ACAA1: variants seen among roughly 807,000 people sequenced by gnomAD.
The protein encoded by ACAA1 is 3-ketoacyl-CoA thiolase, peroxisomal.
In ACAA1, 44 loss-of-function variants were observed where a neutral mutation model predicts 48.8. The ratio of observed to expected loss-of-function variants is 0.90; its 90% CI spans 0.71 to 1.16. The LOEUF is 1.16. Ranked by LOEUF, ACAA1 falls within the 50% of genes most tolerant of loss-of-function variation. The pLI, the probability that ACAA1 is intolerant of heterozygous loss-of-function variation, is 0.00. For missense variants in ACAA1, 512 were observed against 562.3 expected (o/e 0.91, Z 0.90); for synonymous variants, 233 against 226.5 (o/e 1.03, Z -0.26).
chr3:38,126,313 T>A lies in ACAA1; in HGVS notation c.846A>T (p.Ala282=). 2 of 1,614,026 alleles carry A rather than the reference T, an allele frequency of 1.2e-6. No individual in the cohort carries two copies. Among genetic ancestry groups the A allele is most frequent in the Non-Finnish European group, 1.7e-6 (2 of 1,179,954 alleles). ...AGNSSQVSDG[A]AAILLARRSK... is the part of the protein sequence containing the mutation. ...ACCTCCGGGCCAGCAGGATGGCAGC[T>A]GCCCCATCACTCACCTGGCTAGAGT... The change falls in exon 9 of 12, where the codon GCA becomes GCT. Residue 282 remains alanine (A), a synonymous_variant. Transcript: ENST00000333167. This position sits in a 1 kb window ranked among gnomAD's most constrained non-coding sequence, Gnocchi z 4.7.
chr3:38,134,443 C>G (rs1700847187), intron 2 of ACAA1: 3 of 452,664 alleles, frequency 6.6e-6, no homozygotes, highest in Non-Finnish European at 1.3e-5. Flanking sequence ...TGCTGTATTT[C>G]AAGGTGAGGG....
Position 38,127,844 on chromosome 3 carries a change from C to A in ACAA1, c.568G>T (p.Glu190Ter), listed in dbSNP as rs1330810879. The A allele has an allele frequency of 6.2e-7, 1 of 1,614,090 alleles. No individual in the cohort carries two copies. Among genetic ancestry groups the A allele is most frequent in the Admixed American group, 1.7e-5 (1 of 60,006 alleles). Residue 190 changes from glutamate (E) to a stop codon, truncating the protein, a stop_gained, in exon 7 of 12, where the codon GAG (glutamate) becomes TAG (stop). Transcript: ENST00000333167. LOFTEE classifies it high-confidence loss of function. ...PMGITSENVA[E>*]RFGISREKQD... is the part of the protein sequence containing the mutation. ...TTCTCCCGTGAAATGCCAAACCGCTCAGCCACATTCTCAGAGGTTATCCTA... is the reference window on the plus strand; with the variant it reads ...TTCTCCCGTGAAATGCCAAACCGCTAAGCCACATTCTCAGAGGTTATCCTA...
At position 38,136,938 on chromosome 3, in the gene ACAA1, G is replaced by A. The variant is rs1049869731; in HGVS notation, c.98C>T (p.Ala33Val). The change falls in exon 1 of 12, where the codon GCC becomes GTC. Residue 33 changes from alanine (A) to valine (V), a missense_variant. By Grantham distance (64) the Ala-to-Val change is moderately conservative (BLOSUM62 0). Transcript: ENST00000333167. ...CACCACCACCACGTCCGCGGCCGAG[G>A]CCTGCGGGGCACCGCTCAGGCAAGG... is the stretch of plus-strand genomic sequence containing the variant. ...AAPCLSGAPQ[A>V]SAADVVVVHG... 6.5e-7 allele frequency: 1 copy of A among 1,542,646 alleles called. No individual in the cohort carries two copies. Among genetic ancestry groups the A allele is most frequent in the Non-Finnish European group, 8.7e-7 (1 of 1,146,414 alleles).
At position 38,129,942 on chromosome 3, in the gene ACAA1, AG is replaced by A. The variant is rs1700753033; in HGVS notation, c.447-555del. On this transcript the variant is annotated intron_variant, in intron 5 of 11. Coordinates refer to ENST00000333167, the MANE Select transcript of ACAA1 (RefSeq NM_001607.4). The surrounding 1 kb of genome is among the most constrained non-coding windows in gnomAD (Gnocchi z 5.3). The stretch of plus-strand genomic sequence containing the variant: ...TGGCAGGCGCCAGGGTGGGAGGCTG[AG>A]GCAGGAGAATGGCGTAAACCCAGGA... Among the ~76,000 whole-genome samples, 1 of 152,250 alleles carries A rather than the reference AG, an allele frequency of 6.6e-6. No homozygotes were observed. Among genetic ancestry groups the A allele is most frequent in the African/African-American group, 2.4e-5 (1 of 41,462 alleles).
chr3:38,136,149 G>A (rs1430078862), intron 2 of ACAA1, among the ~76,000 whole-genome samples: 2 of 152,212 alleles, frequency 1.3e-5, no homozygotes, highest in Non-Finnish European at 2.9e-5. Context: ...GTTTCTGTGA[G>A]CACAGGGTTG....
In ACAA1 at chr3:38,126,013, T is replaced by C; in HGVS notation, c.998-132A>G. ...GGGTGAGCCAATCCCAGCTGTGGGG[T>C]CAGGAAGGGCTTGAAGTATGGGACA... On this transcript the variant is annotated intron_variant, in intron 9 of 11. Transcript: ENST00000333167. The surrounding 1 kb of genome is among the most constrained non-coding windows in gnomAD (Gnocchi z 4.7). The C allele has an allele frequency of 6.7e-7, 1 of 1,488,874 alleles. No individual in the cohort carries two copies. The highest frequency in any genetic ancestry group is 1.2e-5 in the South Asian group (1 of 84,890). The allele number at this position is 1,488,874 out of a possible 1,614,324, so 92.2% of individuals were successfully genotyped here.
chr3:38,129,387 C>T lies in ACAA1; in HGVS notation c.448G>A (p.Val150Met). 6.2e-7 allele frequency: 1 copy of T among 1,612,912 alleles called. No homozygotes were observed. Among genetic ancestry groups the T allele is most frequent in the African/African-American group, 1.3e-5 (1 of 75,010 alleles). Residue 150 changes from valine (V) to methionine (M), a missense_variant and splice_region_variant, in exon 6 of 12, where the codon GTG becomes ATG. Coordinates refer to ENST00000333167, the MANE Select transcript of ACAA1 (RefSeq NM_001607.4). The surrounding 1 kb of genome is among the most constrained non-coding windows in gnomAD (Gnocchi z 5.3). ...CTGTCAGCCAGGGACATGGACTCCA[C>T]CCTGGGGAGGAGGAAGAGGAGGAGA... ...GSYDIGMACG[V>M]ESMSLADRGN...
At chr3:38,127,327 G>A (rs898851359) in intron 7 of ACAA1, among the ~76,000 whole-genome samples, 2 of 152,174 alleles carry the variant, frequency 1.3e-5, no homozygotes, top group Non-Finnish European at 2.9e-5. Context: ...ACCACTCCCT[G>A]CTTTTGCTTT....
Position 38,126,908 on chromosome 3 carries a change from A to G in ACAA1, c.627-208T>C, listed in dbSNP as rs1017065607. On this transcript the variant is annotated intron_variant, in intron 7 of 11. Transcript: ENST00000333167. This position sits in a 1 kb window ranked among gnomAD's most constrained non-coding sequence, Gnocchi z 4.7. ...GACCTCCAGATCGTGGCCAATCCCAACCTCAAAGGGGGGAAAGGGTGTTTG... is the reference window on the plus strand; with the variant it reads ...GACCTCCAGATCGTGGCCAATCCCAGCCTCAAAGGGGGGAAAGGGTGTTTG... Among the ~76,000 whole-genome samples the G allele has an allele frequency of 2.8e-4, 43 of 152,128 alleles. No homozygotes were observed. The highest frequency in any genetic ancestry group is 9.4e-4 in the African/African-American group (39 of 41,436).
intron 2 of ACAA1, among the ~76,000 whole-genome samples, chr3:38,135,999 G>A (rs899475747): frequency 2.6e-5 from 4 of 152,150 alleles, no homozygotes; most frequent in Admixed American, 6.5e-5. Context: ...GCGGCCTTTC[G>A]CAGTGCACTG....
chr3:38,125,457 T>A, intron 11 of ACAA1, 108 bp downstream of exon 11: 1 of 1,366,774 alleles, frequency 7.3e-7, no homozygotes, highest in Non-Finnish European at 9.9e-7. Flanking sequence ...CTCAGGACTG[T>A]GTCTGTCGAG....
intron 2 of ACAA1, among the ~76,000 whole-genome samples, chr3:38,136,024 C>A (rs1291600218): frequency 6.6e-6 from 1 of 152,102 alleles, no homozygotes; most frequent in Non-Finnish European, 1.5e-5. Context: ...CCTGGTTAAT[C>A]GAGAATGGAG....
At chr3:38,125,446 G>A in intron 11 of ACAA1, 119 bp downstream of exon 11, 1 of 1,293,056 alleles carries the variant, frequency 7.7e-7, no homozygotes, top group Non-Finnish European at 1.1e-6. Context: ...GGATTATGGT[G>A]CTCAGGACTG....
In ACAA1 at chr3:38,129,342, T is replaced by C. The variant is rs2125767439; in HGVS notation, c.493A>G (p.Thr165Ala). Residue 165 changes from threonine to alanine, a missense_variant, in exon 6 of 12, where the codon ACT becomes GCT. Thr to Ala is a moderately conservative substitution (Grantham distance 58). Transcript: ENST00000333167. This position sits in a 1 kb window ranked among gnomAD's most constrained non-coding sequence, Gnocchi z 5.3. ...LADRGNPGNI[T>A]SRLMEKEKAR... Reference sequence around the variant, plus strand: ...TTCTCCTTCTCCATCAAGCGCGAAGTAATATTTCCAGGGTTCCCTCTGTCA... The same window carrying C: ...TTCTCCTTCTCCATCAAGCGCGAAGCAATATTTCCAGGGTTCCCTCTGTCA... 6.2e-7 allele frequency: 1 copy of C among 1,614,050 alleles called. No homozygotes were observed. The highest frequency in any genetic ancestry group is 2.2e-5 in the East Asian group (1 of 44,878).
Position 38,123,050 on chromosome 3 carries a change from G to T in ACAA1, c.1272C>A (p.Asn424Lys). The T allele has an allele frequency of 1.2e-6, 2 of 1,614,118 alleles. No homozygotes were observed. The highest frequency in any genetic ancestry group is 1.7e-6 in the Non-Finnish European group (2 of 1,179,996). Residue 424 changes from asparagine (N) to lysine (K), a missense_variant, in exon 12 of 12, where the codon AAC (asparagine) becomes AAA (lysine). Transcript: ENST00000333167. ...CGCCTCCAGCCTGGGACCTCACTCA[G>T]TTCCCAGGGTATTCAAAGACGGCAG... Reference protein sequence around the residue: ...GAAAVFEYPGN With the variant: ...GAAAVFEYPGK
rs995070925 is a variant in ACAA1, at chr3:38,126,894, C to T, written c.627-194G>A. Reference sequence around the variant, plus strand: ...CACCATCAGCCCCAGACCTCCAGATCGTGGCCAATCCCAACCTCAAAGGGG... The same window carrying T: ...CACCATCAGCCCCAGACCTCCAGATTGTGGCCAATCCCAACCTCAAAGGGG... On this transcript the variant is annotated intron_variant, in intron 7 of 11. Coordinates refer to ENST00000333167, the MANE Select transcript of ACAA1 (RefSeq NM_001607.4). The surrounding 1 kb of genome is among the most constrained non-coding windows in gnomAD (Gnocchi z 4.7). Among the ~76,000 whole-genome samples the T allele has an allele frequency of 2.6e-5, 4 of 152,174 alleles. No individual in the cohort carries two copies. Among genetic ancestry groups the T allele is most frequent in the Non-Finnish European group, 4.4e-5 (3 of 68,036 alleles).
intron 2 of ACAA1, among the ~76,000 whole-genome samples, chr3:38,135,026 T>C (rs190580697): frequency 7.3e-4 from 111 of 152,278 alleles, no homozygotes; most frequent in African/African-American, 2.6e-3. Flanking sequence ...AAAACCGCCC[T>C]GTGGCTGGAA....
chr3:38,136,034 G>A (rs1700884669), intron 2 of ACAA1, among the ~76,000 whole-genome samples: 1 of 152,220 alleles, frequency 6.6e-6, no homozygotes, highest in African/African-American at 2.4e-5. Context: ...CGAGAATGGA[G>A]AATGGCGATG....
Position 38,126,368 on chromosome 3 carries a change from G to A in ACAA1, c.818-27C>T, listed in dbSNP as rs762004849. On this transcript the variant is annotated intron_variant, in intron 8 of 11. Transcript: ENST00000333167. The surrounding 1 kb of genome is among the most constrained non-coding windows in gnomAD (Gnocchi z 4.7). The stretch of plus-strand genomic sequence containing the variant: ...TAGGGGCAAACTGTTGGGGTAAGAA[G>A]GCATCGGGGTGGGGATGAGGAGATC... The A allele has an allele frequency of 6.2e-7, 1 of 1,610,388 alleles. No homozygotes were observed. Among genetic ancestry groups the A allele is most frequent in the Admixed American group, 1.7e-5 (1 of 59,786 alleles).
Sources: gnomAD v4.1 joint callset for allele counts (sites outside exome capture counted in the v4.1 genomes callset) on GRCh38, gnomAD v4.1.1 for gene constraint, Gnocchi (gnomAD v3.1) non-coding constraint, MANE v1.5 for transcripts, NCBI Gene and HGNC (gene_info 2026-07-23, HGNC 2026-07-21) for gene names.